MMP10: variants seen among roughly 807,000 people sequenced by gnomAD.
MMP10 encodes stromelysin-2.
A neutral mutation model predicts 49.1 loss-of-function variants in MMP10; 50 were observed. The ratio of observed to expected loss-of-function variants is 1.02; its 90% CI spans 0.81 to 1.29. MMP10 has a LOEUF of 1.29. Ranked by LOEUF, MMP10 falls within the 50% of genes most tolerant of loss-of-function variation. The pLI, the probability that MMP10 is intolerant of heterozygous loss-of-function variation, is 0.00. For missense variants in MMP10, 613 were observed against 563.8 expected (o/e 1.09, Z -0.88); for synonymous variants, 229 against 201.6 (o/e 1.14, Z -1.15).
At chr11:102,777,970 T>C (rs1591069768) in intron 4 of MMP10, among the ~76,000 whole-genome samples, 2 of 152,254 alleles carry the variant, frequency 1.3e-5, no homozygotes, top group African/African-American at 2.4e-5. Flanking sequence ...TGCATTTACA[T>C]TAAAAATCCC....
chr11:102,772,488 A>G lies in MMP10; in HGVS notation c.1226+359T>C, dbSNP rs1861984999. On this transcript the variant is annotated intron_variant, in intron 8 of 9. Transcript: ENST00000279441. The surrounding 1 kb of genome is among the most constrained non-coding windows in gnomAD (Gnocchi z 4.4). ...AAATTAATTAAATCACTTAGCTAAAAATAAACCTCTGGTTCTCAGTCACAC... is the reference window on the plus strand; with the variant it reads ...AAATTAATTAAATCACTTAGCTAAAGATAAACCTCTGGTTCTCAGTCACAC... Among the ~76,000 whole-genome samples, 1 of 152,182 alleles carries G rather than the reference A, an allele frequency of 6.6e-6. No individual in the cohort carries two copies. Among genetic ancestry groups the G allele is most frequent in the African/African-American group, 2.4e-5 (1 of 41,448 alleles).
In MMP10 at chr11:102,780,475, A is replaced by C; in HGVS notation, c.105+12T>G. On this transcript the variant is annotated intron_variant, in intron 1 of 9. Coordinates refer to ENST00000279441, the MANE Select transcript of MMP10 (RefSeq NM_002425.3). ...CTGGCCAGTAGCTGCAATAGATGCC[A>C]CCGTTAATTACCTGGGCAAGATCCT... 1 of 1,612,320 alleles carries C rather than the reference A, an allele frequency of 6.2e-7. No individual in the cohort carries two copies. Among genetic ancestry groups the C allele is most frequent in the Non-Finnish European group, 8.5e-7 (1 of 1,178,590 alleles).
rs755104482 is a variant in MMP10 at position 102,772,024 on chromosome 11, A to C, written c.1318T>G (p.Leu440Val). ...AGGGTCTTCTTACCAAATGCCTGTA[A>C]TACAGCATCAACCTTAGGCTCAACT... ...PGVEPKVDAV[L>V]QAFGFFYFFS... The change falls in exon 9 of 10, where the codon TTA (leucine) becomes GTA (valine). Residue 440 changes from leucine (L) to valine (V), a missense_variant. By Grantham distance (32) the Leu-to-Val change is conservative (BLOSUM62 1). Transcript: ENST00000279441. This position sits in a 1 kb window ranked among gnomAD's most constrained non-coding sequence, Gnocchi z 4.4. 23 of 1,608,626 alleles carry C rather than the reference A, an allele frequency of 1.4e-5. No individual in the cohort carries two copies. The highest frequency in any genetic ancestry group is 1.9e-5 in the Non-Finnish European group (22 of 1,175,168).
At position 102,770,607 on chromosome 11, in the gene MMP10, G is replaced by C; in HGVS notation, c.*186C>G. 1.9e-6 allele frequency: 1 copy of C among 515,138 alleles called. No individual in the cohort carries two copies. The highest frequency in any genetic ancestry group is 3.2e-5 in the East Asian group (1 of 31,452). 31.9% of individuals were successfully genotyped at this position (515,138 alleles called of 1,614,324 possible). A position where few individuals can be genotyped will look rare whatever the true frequency, so the allele number is the denominator to read the frequency against. On this transcript the variant is annotated 3_prime_UTR_variant, in exon 10 of 10. Transcript: ENST00000279441. ...CATGAGTATTTCTTAATTCTGTTCA[G>C]TGCAATTCAAAAGCAAGTGAAGAAT...
rs1157464684 is a variant in MMP10, at chr11:102,771,081, T to C, written c.1331-188A>G. Among the ~76,000 whole-genome samples, 3 of 152,224 alleles carry C rather than the reference T, an allele frequency of 2.0e-5. No individual in the cohort carries two copies. The East Asian group carries it at 5.8e-4, about 29-fold the overall frequency. On this transcript the variant is annotated intron_variant, in intron 9 of 9. Coordinates refer to ENST00000279441, the MANE Select transcript of MMP10 (RefSeq NM_002425.3). ...CCTTACAAAAAACTGTGATGTGTTATTAATGAGAACAAAACTAAAAATTAA... is the reference window on the plus strand; with the variant it reads ...CCTTACAAAAAACTGTGATGTGTTACTAATGAGAACAAAACTAAAAATTAA...
At position 102,772,016 on chromosome 11, in the gene MMP10, T is replaced by G. The variant is rs780200414; in HGVS notation, c.1326A>C (p.Ala442=). The G allele has an allele frequency of 1.3e-6, 2 of 1,596,726 alleles. No individual in the cohort carries two copies. The highest frequency in any genetic ancestry group is 1.7e-6 in the Non-Finnish European group (2 of 1,165,030). Reference sequence around the variant, plus strand: ...ATGAAATAAGGGTCTTCTTACCAAATGCCTGTAATACAGCATCAACCTTAG... The same window carrying G: ...ATGAAATAAGGGTCTTCTTACCAAAGGCCTGTAATACAGCATCAACCTTAG... ...VEPKVDAVLQ[A]FGFFYFFSGS... Residue 442 remains alanine (A), a synonymous_variant, in exon 9 of 10, where the codon GCA becomes GCC. Transcript: ENST00000279441. This position sits in a 1 kb window ranked among gnomAD's most constrained non-coding sequence, Gnocchi z 4.4.
rs535148721 is a variant in MMP10 at position 102,773,536 on chromosome 11, C to T, written c.1067-530G>A. ...AGACCCCAAGCCTGAATTCCTTCTT[C>T]GCACTCACTGCCAGATTCACTAATC... On this transcript the variant is annotated intron_variant, in intron 7 of 9. Transcript: ENST00000279441. Among the ~76,000 whole-genome samples, 18 of 152,336 alleles carry T rather than the reference C, an allele frequency of 1.2e-4. No individual in the cohort carries two copies. In the South Asian group the frequency reaches 2.1e-3, roughly 18 times the overall value.
In MMP10 at chr11:102,780,539, T is replaced by C. The variant is rs749139369; in HGVS notation, c.53A>G (p.Tyr18Cys). ...CTCTTTTGCTGCCCCACTCAGAGGATAGGCAGAGCAGACTGGCAGACACAA... is the reference window on the plus strand; with the variant it reads ...CTCTTTTGCTGCCCCACTCAGAGGACAGGCAGAGCAGACTGGCAGACACAA... ...VLLCLPVCSAYPLSGAAKEED... is the reference protein window; with the variant it reads ...VLLCLPVCSACPLSGAAKEED... Residue 18 changes from tyrosine to cysteine, a missense_variant, in exon 1 of 10, where the codon TAT (tyrosine) becomes TGT (cysteine). Tyr to Cys is a radical substitution (Grantham distance 194). Coordinates refer to ENST00000279441, the MANE Select transcript of MMP10 (RefSeq NM_002425.3). The C allele has an allele frequency of 1.2e-5, 19 of 1,614,006 alleles. No homozygotes were observed. The highest frequency in any genetic ancestry group is 1.7e-4 in the Middle Eastern group (1 of 6,060).
rs556982710 is a variant in MMP10, at chr11:102,771,484, T to A, written c.1330+528A>T. 3.3e-5 allele frequency among the ~76,000 whole-genome samples: 5 copies of A among 152,284 alleles called. No individual in the cohort carries two copies. In the South Asian group the frequency reaches 1.0e-3, roughly 32 times the overall value. On this transcript the variant is annotated intron_variant, in intron 9 of 9. Coordinates refer to ENST00000279441, the MANE Select transcript of MMP10 (RefSeq NM_002425.3). ...TCCTTCAGAGTAATCAAGAACAAGT[T>A]TTGCTTTCCTATTTGCCCATTACCA...
intron 4 of MMP10, among the ~76,000 whole-genome samples, chr11:102,777,300 A>AT (rs899755277): frequency 2.3e-4 from 35 of 148,946 alleles, no homozygotes; most frequent in South Asian, 4.3e-4. Context: ...TACTCAAGTA[A>AT]TTTTTTTTTT....
At chr11:102,771,443 C>A (rs1281024474) in intron 9 of MMP10, among the ~76,000 whole-genome samples, 1 of 152,180 alleles carries the variant, frequency 6.6e-6, no homozygotes, top group African/African-American at 2.4e-5. Context: ...CAAGCACTGG[C>A]AGCTCCCTCC....
rs896239028 is a variant in MMP10, at chr11:102,776,900, T to G, written c.623-124A>C. 28 of 1,133,378 alleles carry G rather than the reference T, an allele frequency of 2.5e-5. No homozygotes were observed. The African/African-American group carries it at 4.0e-4, about 16-fold the overall frequency. 70.2% of individuals were successfully genotyped at this position (1,133,378 alleles called of 1,614,324 possible). ...CAATGTCTTTTCAGTATTTGTGGAT[T>G]GGTTCATTGATTGGCACATTCCATA... On this transcript the variant is annotated intron_variant, in intron 4 of 9. Coordinates refer to ENST00000279441, the MANE Select transcript of MMP10 (RefSeq NM_002425.3).
chr11:102,775,577 G>A (rs1309029030), intron 6 of MMP10, among the ~76,000 whole-genome samples: 2 of 152,066 alleles, frequency 1.3e-5, no homozygotes, highest in Non-Finnish European at 2.9e-5. Context: ...AAAATATTAT[G>A]TGTATATTGA....
chr11:102,776,700 A>C lies in MMP10; in HGVS notation c.699T>G (p.Ala233=). The C allele has an allele frequency of 1.2e-6, 2 of 1,614,050 alleles. No individual in the cohort carries two copies. Among genetic ancestry groups the C allele is most frequent in the Non-Finnish European group, 1.7e-6 (2 of 1,179,956 alleles). Residue 233 remains alanine, a synonymous_variant, in exon 5 of 10, where the codon GCT becomes GCG. Coordinates refer to ENST00000279441, the MANE Select transcript of MMP10 (RefSeq NM_002425.3). ...ATGAGTTGTAGAGTGGGTACATCAA[A>C]GCTTCAGTGTTGGCTGAGTGAAAGA... ...LGLFHSANTE[A]LMYPLYNSFT...
Position 102,780,609 on chromosome 11 carries a change from T to C in MMP10, c.-18A>G. 8 of 1,609,062 alleles carry C rather than the reference T, an allele frequency of 5.0e-6. No homozygotes were observed. The highest frequency in any genetic ancestry group is 6.8e-6 in the Non-Finnish European group (8 of 1,176,748). On this transcript the variant is annotated 5_prime_UTR_variant, in exon 1 of 10. Coordinates refer to ENST00000279441, the MANE Select transcript of MMP10 (RefSeq NM_002425.3). ...TGCATCATTCTCACTGCCCTTACCT[T>C]CTTTGTCTACTGGGCTTCTAGCTCT...
At chr11:102,775,099 AAC>A in intron 7 of MMP10, 87 bp downstream of exon 7, 1 of 1,032,344 alleles carries the variant, frequency 9.7e-7, no homozygotes, top group Non-Finnish European at 1.3e-6. Flanking sequence ...CAGTAATCTA[AAC>A]TTTAATATAA....
In MMP10 at chr11:102,780,444, A is replaced by G. The variant is rs190801410; in HGVS notation, c.105+43T>C. On this transcript the variant is annotated intron_variant, in intron 1 of 9. Coordinates refer to ENST00000279441, the MANE Select transcript of MMP10 (RefSeq NM_002425.3). ...TGTATTGGAAGACCAAGTAGACACA[A>G]TTGAGCTGGCCAGTAGCTGCAATAG... The G allele has an allele frequency of 2.2e-3, 3,375 of 1,547,720 alleles. 11 individuals carry two copies. Among genetic ancestry groups the G allele is most frequent in the Non-Finnish European group, 2.0e-3 (2,198 of 1,120,972 alleles).
At chr11:102,775,777 A>T (rs1857718617) in intron 6 of MMP10, among the ~76,000 whole-genome samples, 2 of 152,154 alleles carry the variant, frequency 1.3e-5, no homozygotes, top group Admixed American at 1.3e-4. Context: ...TAATTAATTT[A>T]AATAGTAGCA....
At position 102,770,808 on chromosome 11, in the gene MMP10, G is replaced by C. The variant is rs374308064; in HGVS notation, c.1416C>G (p.Ser472Arg). ...CCTATCTCGCCTAGCAATGTAACCAGCTGTTACTCTTTAATATGTGTGTCA... is the reference window on the plus strand; with the variant it reads ...CCTATCTCGCCTAGCAATGTAACCACCTGTTACTCTTTAATATGTGTGTCA... ...RMVTHILKSN[S>R]WLHC The change falls in exon 10 of 10, where the codon AGC (serine) becomes AGG (arginine). Residue 472 changes from serine to arginine, a missense_variant. Coordinates refer to ENST00000279441, the MANE Select transcript of MMP10 (RefSeq NM_002425.3). 4 of 1,606,856 alleles carry C rather than the reference G, an allele frequency of 2.5e-6. No individual in the cohort carries two copies.
Sources: gnomAD v4.1 joint callset for allele counts (sites outside exome capture counted in the v4.1 genomes callset) on GRCh38, gnomAD v4.1.1 for gene constraint, Gnocchi (gnomAD v3.1) non-coding constraint, MANE v1.5 for transcripts, NCBI Gene and HGNC (gene_info 2026-07-23, HGNC 2026-07-21) for gene names.